DMWD: variants seen among roughly 807,000 people sequenced by gnomAD.
DMWD encodes the protein DM1 locus, WD repeat containing, also known as dystrophia myotonica WD repeat-containing protein.
DMWD carries 19 observed loss-of-function variants against 45.8 expected under a neutral mutation model. That is an observed-to-expected ratio of 0.41 (90% CI 0.29 to 0.61). The LOEUF is 0.61. Among genes scored for constraint, DMWD ranks in the 20% least tolerant of loss-of-function variants. DMWD has a pLI of 0.25. For missense variants in DMWD, 802 were observed against 965.2 expected (o/e 0.83, Z 2.24); for synonymous variants, 515 against 440.5 (o/e 1.17, Z -2.12).
Position 45,792,779 on chromosome 19 carries a change from C to T in DMWD, c.-23G>A, listed in dbSNP as rs1228981337. On this transcript the variant is annotated 5_prime_UTR_variant, in exon 1 of 5. Transcript: ENST00000270223. ...CATCTTGGGCGCCCCCCGGGCCCCGCCACTGCCGGACTGCCGCCCGCAGCC... is the reference window on the plus strand; with the variant it reads ...CATCTTGGGCGCCCCCCGGGCCCCGTCACTGCCGGACTGCCGCCCGCAGCC... The T allele has an allele frequency of 9.0e-6, 10 of 1,114,442 alleles. No individual in the cohort carries two copies. Among genetic ancestry groups the T allele is most frequent in the Non-Finnish European group, 1.1e-5 (10 of 913,382 alleles). 69.0% of individuals were successfully genotyped at this position (1,114,442 alleles called of 1,614,324 possible).
At position 45,783,384 on chromosome 19, in the gene DMWD, G is replaced by A. The variant is rs1970210232; in HGVS notation, c.*859C>T. The stretch of plus-strand genomic sequence containing the variant: ...GAGGGCCAGGCCTGAGAAACTAGGA[G>A]GCAAGGACCGAGGAGTCCCAGCTGG... On this transcript the variant is annotated 3_prime_UTR_variant, in exon 5 of 5. Coordinates refer to ENST00000270223, the MANE Select transcript of DMWD (RefSeq NM_004943.2). 1 of 392,676 alleles carries A rather than the reference G, an allele frequency of 2.5e-6. No individual in the cohort carries two copies. Among genetic ancestry groups the A allele is most frequent in the African/African-American group, 2.1e-5 (1 of 48,510 alleles). 24.3% of individuals were successfully genotyped at this position (392,676 alleles called of 1,614,324 possible).
chr19:45,784,321 G>T, intron 4 of DMWD, 31 bp from the exon 5 acceptor site: 1 of 1,501,624 alleles, frequency 6.7e-7, no homozygotes, highest in Non-Finnish European at 8.9e-7. Context: ...AGATGGGAGG[G>T]GTTAGAGACC....
chr19:45,786,647 A>T lies in DMWD; in HGVS notation c.849T>A (p.Gly283=), dbSNP rs1970282731. 6.2e-7 allele frequency: 1 copy of T among 1,611,696 alleles called. No homozygotes were observed. Among genetic ancestry groups the T allele is most frequent in the Non-Finnish European group, 8.5e-7 (1 of 1,178,380 alleles). The change falls in exon 3 of 5, where the codon GGT becomes GGA. Residue 283 remains glycine (G), a synonymous_variant. Coordinates refer to ENST00000270223, the MANE Select transcript of DMWD (RefSeq NM_004943.2). ...PRNPLAKWAV[G]EGPLNEFAFS... is the part of the protein sequence containing the mutation. ...AGGCGAACTCGTTGAGGGGCCCCTC[A>T]CCCACCGCCCACTTGGCCAGCGGGT...
At chr19:45,791,186 G>A in intron 1 of DMWD, 99 bp from the exon 2 acceptor site, 1 of 1,282,968 alleles carries the variant, frequency 7.8e-7, no homozygotes, top group Non-Finnish European at 1.1e-6. Context: ...AGCAGGGTTA[G>A]AACCCAGAGG....
rs1970276105 is a variant in DMWD, at chr19:45,786,278, C to T, written c.1218G>A (p.Glu406=). The change falls in exon 3 of 5, where the codon GAG becomes GAA. Residue 406 remains glutamate (E), a synonymous_variant. Transcript: ENST00000270223. The stretch of plus-strand genomic sequence containing the variant: ...CCCCGGCCGAGCCTGTGCCCGCAGC[C>T]TCGGGCTCCTCCTCCTCCTCTTCGC... ...RSGEEEEEEP[E]AAGTGSAGGA... 1.9e-6 allele frequency: 3 copies of T among 1,605,206 alleles called. No individual in the cohort carries two copies. The highest frequency in any genetic ancestry group is 1.3e-5 in the African/African-American group (1 of 74,776).
intron 4 of DMWD, 153 bp downstream of exon 4, chr19:45,784,488 C>A: frequency 2.2e-6 from 3 of 1,365,824 alleles, no homozygotes; most frequent in Non-Finnish European, 3.0e-6. Context: ...TCCTGGCAGT[C>A]AGCACTTTCA....
rs775072489 is a variant in DMWD at position 45,792,833 on chromosome 19, C to G, written c.-77G>C. The G allele has an allele frequency of 3.2e-5, 34 of 1,060,504 alleles. No homozygotes were observed. Among genetic ancestry groups the G allele is most frequent in the Non-Finnish European group, 3.9e-5 (34 of 879,480 alleles). The allele number at this position is 1,060,504 out of a possible 1,614,324, so 65.7% of individuals were successfully genotyped here. A position where few individuals can be genotyped will look rare whatever the true frequency, so the allele number is the denominator to read the frequency against. ...CCCCCTCCCGGAAGCCGCTGGCCCGCGCCGGAAAAGGTGGGGTCGTCGCCC... is the reference window on the plus strand; with the variant it reads ...CCCCCTCCCGGAAGCCGCTGGCCCGGGCCGGAAAAGGTGGGGTCGTCGCCC... On this transcript the variant is annotated 5_prime_UTR_variant, in exon 1 of 5. Coordinates refer to ENST00000270223, the MANE Select transcript of DMWD (RefSeq NM_004943.2).
At chr19:45,784,866 G>T in intron 3 of DMWD, 151 bp from the exon 4 acceptor site, 1 of 1,340,898 alleles carries the variant, frequency 7.5e-7, no homozygotes. Context: ...CCAAGCCACG[G>T]CCTCCAGGAC....
At position 45,783,877 on chromosome 19, in the gene DMWD, G is replaced by A. The variant is rs919932842; in HGVS notation, c.*366C>T. The A allele has an allele frequency of 4.1e-6, 2 of 482,024 alleles. No homozygotes were observed. The highest frequency in any genetic ancestry group is 2.0e-5 in the African/African-American group (1 of 49,116). 29.9% of individuals were successfully genotyped at this position (482,024 alleles called of 1,614,324 possible). On this transcript the variant is annotated 3_prime_UTR_variant, in exon 5 of 5. Transcript: ENST00000270223. The stretch of plus-strand genomic sequence containing the variant: ...GCCGGGCGAGGGCTGGACCACCCCC[G>A]GCCCTGCCCACTCAACTGAGGGGCA...
rs1050238382 is a variant in DMWD, at chr19:45,783,473, T to G, written c.*770A>C. 1.3e-5 allele frequency: 5 copies of G among 397,972 alleles called. No homozygotes were observed. Among genetic ancestry groups the G allele is most frequent in the African/African-American group, 1.0e-4 (5 of 48,588 alleles). The allele number at this position is 397,972 out of a possible 1,614,324, so 24.7% of individuals were successfully genotyped here. ...ATTTAAAAAACACCGAGGACTTTGA[T>G]GAGGGGCCCTGGCTGCGGGCAGGAT... On this transcript the variant is annotated 3_prime_UTR_variant, in exon 5 of 5. Coordinates refer to ENST00000270223, the MANE Select transcript of DMWD (RefSeq NM_004943.2).
In DMWD at chr19:45,784,331, C is replaced by T. The variant is rs199850602; in HGVS notation, c.1978-41G>A. 5.8e-5 allele frequency: 87 copies of T among 1,494,838 alleles called. 1 individual carries two copies. Among genetic ancestry groups the T allele is most frequent in the African/African-American group, 4.8e-4 (34 of 71,076 alleles). The allele number at this position is 1,494,838 out of a possible 1,614,324, so 92.6% of individuals were successfully genotyped here. On this transcript the variant is annotated intron_variant, in intron 4 of 4. Transcript: ENST00000270223. ...GGGAGAGATGGGAGGGGTTAGAGAC[C>T]ACCTGGGCTTCAGCCAGTGTCAAGG...
chr19:45,785,872 G>A lies in DMWD; in HGVS notation c.1624C>T (p.Arg542Cys), dbSNP rs1373785707. ...CTGATGTTGCCCAGGCTGTGGTAGC[G>A]CTTGTGCTCCTTCTCTGCCCCCCGG... ...RDRGAEKEHK[R>C]YHSLGNISRG... Residue 542 changes from arginine (R) to cysteine (C), a missense_variant, in exon 3 of 5, where the codon CGC becomes TGC. Transcript: ENST00000270223. 1.1e-5 allele frequency: 18 copies of A among 1,606,548 alleles called. No individual in the cohort carries two copies. The highest frequency in any genetic ancestry group is 1.4e-5 in the Non-Finnish European group (17 of 1,179,716).
At chr19:45,787,121 T>C in intron 2 of DMWD, 1 of 624,614 alleles carries the variant, frequency 1.6e-6, no homozygotes, top group African/African-American at 1.8e-5. Flanking sequence ...AGCCTCGATG[T>C]CCCATCTTTG....
chr19:45,792,815 C>G lies in DMWD; in HGVS notation c.-59G>C, dbSNP rs889313216. 4.6e-6 allele frequency: 5 copies of G among 1,076,862 alleles called. No individual in the cohort carries two copies. Among genetic ancestry groups the G allele is most frequent in the Non-Finnish European group, 5.6e-6 (5 of 889,862 alleles). The allele number at this position is 1,076,862 out of a possible 1,614,324, so 66.7% of individuals were successfully genotyped here. On this transcript the variant is annotated 5_prime_UTR_variant, in exon 1 of 5. Coordinates refer to ENST00000270223, the MANE Select transcript of DMWD (RefSeq NM_004943.2). The stretch of plus-strand genomic sequence containing the variant: ...CTGCCGCCCGCAGCCGGGCCCCCTC[C>G]CGGAAGCCGCTGGCCCGCGCCGGAA...
At position 45,792,672 on chromosome 19, in the gene DMWD, G is replaced by T; in HGVS notation, c.85C>A (p.Arg29Ser). The change falls in exon 1 of 5, where the codon CGC becomes AGC. Residue 29 changes from arginine (R) to serine (S), a missense_variant. Physicochemically the swap from Arg to Ser is moderately radical, Grantham distance 110. Coordinates refer to ENST00000270223, the MANE Select transcript of DMWD (RefSeq NM_004943.2). ...GGGAGTAGCTTGTAGAAACCCTCGC[G>T]CGTGCGGAATTGCGACTTAATCTCC... ...CAEIKSQFRTREGFYKLLPGD... is the reference protein window; with the variant it reads ...CAEIKSQFRTSEGFYKLLPGD... 1 of 1,311,480 alleles carries T rather than the reference G, an allele frequency of 7.6e-7. No homozygotes were observed. The highest frequency in any genetic ancestry group is 1.7e-5 in the South Asian group (1 of 58,436). The allele number at this position is 1,311,480 out of a possible 1,614,324, so 81.2% of individuals were successfully genotyped here.
rs1172005894 is a variant in DMWD, at chr19:45,784,046, C to G, written c.*197G>C. On this transcript the variant is annotated 3_prime_UTR_variant, in exon 5 of 5. Coordinates refer to ENST00000270223, the MANE Select transcript of DMWD (RefSeq NM_004943.2). Reference sequence around the variant, plus strand: ...ACTTGGCAGTGGGTGGGGGACAAGGCTGAGGCCACAAGGGCTATTACATCG... The same window carrying G: ...ACTTGGCAGTGGGTGGGGGACAAGGGTGAGGCCACAAGGGCTATTACATCG... 3 of 646,144 alleles carry G rather than the reference C, an allele frequency of 4.6e-6. No homozygotes were observed. The East Asian group carries it at 8.7e-5, about 19-fold the overall frequency. 40.0% of individuals were successfully genotyped at this position (646,144 alleles called of 1,614,324 possible).
chr19:45,789,411 C>T (rs1238682855), intron 2 of DMWD: 1 of 152,232 alleles, frequency 6.6e-6, no homozygotes, highest in Non-Finnish European at 1.5e-5. Context: ...CGGATAAGGT[C>T]GTTTACTGGT....
chr19:45,784,144 T>G lies in DMWD; in HGVS notation c.*99A>C. The G allele has an allele frequency of 8.3e-6, 9 of 1,083,846 alleles. No individual in the cohort carries two copies. Among genetic ancestry groups the G allele is most frequent in the Non-Finnish European group, 1.3e-5 (9 of 716,676 alleles). 67.1% of individuals were successfully genotyped at this position (1,083,846 alleles called of 1,614,324 possible). A position where few individuals can be genotyped will look rare whatever the true frequency, so the allele number is the denominator to read the frequency against. On this transcript the variant is annotated 3_prime_UTR_variant, in exon 5 of 5. Transcript: ENST00000270223. ...GGGGACTGGAGCAGTCCATCCATCA[T>G]GGTTAGTCTTGTTAATACGTTGATC...
Position 45,784,117 on chromosome 19 carries a change from G to C in DMWD, c.*126C>G, listed in dbSNP as rs766449788. 1.1e-5 allele frequency: 9 copies of C among 851,496 alleles called. No individual in the cohort carries two copies. The highest frequency in any genetic ancestry group is 1.5e-5 in the Non-Finnish European group (8 of 516,252). 52.7% of individuals were successfully genotyped at this position (851,496 alleles called of 1,614,324 possible). On this transcript the variant is annotated 3_prime_UTR_variant, in exon 5 of 5. Transcript: ENST00000270223. ...GGGGGCCCCCAAATTTTGTGCAGGTGGGGGGACTGGAGCAGTCCATCCATC... is the reference window on the plus strand; with the variant it reads ...GGGGGCCCCCAAATTTTGTGCAGGTCGGGGGACTGGAGCAGTCCATCCATC...
Sources: allele counts gnomAD v4.1 joint callset, GRCh38; gene constraint gnomAD v4.1.1; transcripts MANE v1.5; gene names NCBI Gene and HGNC (gene_info 2026-07-23, HGNC 2026-07-21).